The following CDC42BPG variants were observed in gnomAD, a reference collection of about 807,000 sequenced individuals.
CDC42BPG encodes the protein CDC42 binding protein kinase gamma.
In CDC42BPG, 157 loss-of-function variants were observed where a neutral mutation model predicts 192.2. The observed-to-expected ratio is 0.82, with a 90% CI of 0.72 to 0.93. The LOEUF is 0.93. CDC42BPG is among the 40% of genes least tolerant of loss of function. CDC42BPG has a pLI of 0.00. For missense variants in CDC42BPG, 1,992 were observed against 2,122.1 expected, an observed-to-expected ratio of 0.94 and a Z score of 1.20; for synonymous variants, 981 against 918.5, an observed-to-expected ratio of 1.07 and a Z score of -1.23.
chr11:64,841,132 C>T (rs1943263228), intron 3 of CDC42BPG, among the ~76,000 whole-genome samples: 1 of 148,396 alleles, frequency 6.7e-6, no homozygotes, highest in African/African-American at 2.5e-5. Flanking sequence ...GCCTGGGTGA[C>T]AGAGTGAGAC....
intron 36 of CDC42BPG, 51 bp downstream of exon 36, chr11:64,826,418 GA>G: frequency 1.5e-6 from 2 of 1,312,554 alleles, no homozygotes; most frequent in South Asian, 2.5e-5. Context: ...GCATAAAACG[GA>G]ACTGCCTGAC....
Position 64,827,334 on chromosome 11 carries a change from C to T in CDC42BPG, c.4215G>A (p.Lys1405=). 1.2e-6 allele frequency: 2 copies of T among 1,614,108 alleles called. No individual in the cohort carries two copies. The highest frequency in any genetic ancestry group is 8.5e-7 in the Non-Finnish European group (1 of 1,179,978). The change falls in exon 33 of 37, where the codon AAG becomes AAA. Residue 1405 remains lysine, a synonymous_variant. Coordinates refer to ENST00000342711, the MANE Select transcript of CDC42BPG (RefSeq NM_017525.3). Reference sequence around the variant, plus strand: ...CGCGGAAAAAGAAGCGGCGCTTGCTCTTGGTGCGGAACAGCTGGCGCCGGC... The same window carrying T: ...CGCGGAAAAAGAAGCGGCGCTTGCTTTTGGTGCGGAACAGCTGGCGCCGGC... ...DNSRRQLFRT[K]SKRRFFFRVS... is the part of the protein sequence containing the mutation.
chr11:64,841,050 C>T (rs1237648018), intron 3 of CDC42BPG, among the ~76,000 whole-genome samples: 6 of 152,008 alleles, frequency 3.9e-5, no homozygotes, highest in Admixed American at 3.3e-4. Context: ...ACTTGGGAGG[C>T]TGAGGCATGA....
At chr11:64,838,209 C>G in intron 8 of CDC42BPG, 47 bp from the exon 9 acceptor site, 1 of 1,452,778 alleles carries the variant, frequency 6.9e-7, no homozygotes, top group South Asian at 1.3e-5. Flanking sequence ...GGCCAAGGCC[C>G]GAGGCCCAAG....
At chr11:64,841,384 G>A (rs779580152) in intron 3 of CDC42BPG, among the ~76,000 whole-genome samples, 15 of 151,828 alleles carry the variant, frequency 9.9e-5, no homozygotes, top group Non-Finnish European at 1.8e-4. Context: ...ACTGGGAGGC[G>A]GAGGTTGCAG....
In CDC42BPG at chr11:64,826,752, G is replaced by A; in HGVS notation, c.4432C>T (p.Gln1478Ter). 4 of 1,538,530 alleles carry A rather than the reference G, an allele frequency of 2.6e-6. No homozygotes were observed. The highest frequency in any genetic ancestry group is 1.2e-5 in the South Asian group (1 of 82,582). The part of the protein sequence containing the change: ...KGRVARGSGP[Q>*]RPHSFSEALR... ...GCCTCGGAGAAGCTGTGGGGCCGCT[G>A]TGGGCCGGAGCCGCGGGCAACTCGG... The change falls in exon 35 of 37, where the codon CAG (glutamine) becomes TAG (stop). Residue 1478 changes from glutamine to a stop codon, truncating the protein, a stop_gained. Transcript: ENST00000342711. LOFTEE classifies it high-confidence loss of function.
Position 64,832,477 on chromosome 11 carries a change from G to A in CDC42BPG, c.3038C>T (p.Ala1013Val), listed in dbSNP as rs751510864. 2 of 1,614,130 alleles carry A rather than the reference G, an allele frequency of 1.2e-6. No homozygotes were observed. Among genetic ancestry groups the A allele is most frequent in the Non-Finnish European group, 8.5e-7 (1 of 1,180,016 alleles). ...DPQFSATPVL[A>V]SDVIHAQSRD... Reference sequence around the variant, plus strand: ...GGATTGGGCATGGATAACATCAGAGGCCAGGACAGGGGTAGCCGAGAACTG... The same window carrying A: ...GGATTGGGCATGGATAACATCAGAGACCAGGACAGGGGTAGCCGAGAACTG... The change falls in exon 27 of 37, where the codon GCC becomes GTC. Residue 1013 changes from alanine (A) to valine (V), a missense_variant. Physicochemically the swap from Ala to Val is moderately conservative, Grantham distance 64 (BLOSUM62 0). This residue lies in a region of CDC42BPG where 1,656 missense variants were observed against 1,844.3 expected (regional missense o/e 0.90). Transcript: ENST00000342711.
chr11:64,834,517 G>A lies in CDC42BPG; in HGVS notation c.2236C>T (p.Gln746Ter). ...CGGATCTCGGCCTCCAGCGCTGACT[G>A]CAGCTCCAGCCTGGCCGAGGCCTCC... ...KMEASARLEL[Q>*]SALEAEIRAK... Residue 746 changes from glutamine (Q) to a stop codon, truncating the protein, a stop_gained, in exon 19 of 37, where the codon CAG becomes TAG. Transcript: ENST00000342711. LOFTEE classifies it high-confidence loss of function. 6.3e-7 allele frequency: 1 copy of A among 1,582,480 alleles called. No homozygotes were observed. Among genetic ancestry groups the A allele is most frequent in the Non-Finnish European group, 8.6e-7 (1 of 1,163,314 alleles).
At chr11:64,841,522 C>A in intron 3 of CDC42BPG, 128 bp downstream of exon 3, 2 of 708,548 alleles carry the variant, frequency 2.8e-6, no homozygotes, top group Non-Finnish European at 5.0e-6. Flanking sequence ...TCAGTGGCTG[C>A]TGAGGGTGGC....
Position 64,835,822 on chromosome 11 carries a change from C to G in CDC42BPG, c.1698G>C (p.Arg566=). The G allele has an allele frequency of 6.2e-7, 1 of 1,612,778 alleles. No homozygotes were observed. Among genetic ancestry groups the G allele is most frequent in the East Asian group, 2.2e-5 (1 of 44,862 alleles). Residue 566 remains arginine, a synonymous_variant, in exon 14 of 37, where the codon CGG becomes CGC. Transcript: ENST00000342711. ...ELEAQVSSLS[R]QVTQLQGQWE... ...ACTGTCCCTGCAGCTGCGTCACCTG[C>G]CGGCTCAGGGAGGACACCTGGGCCT...
At chr11:64,838,250 C>G in intron 8 of CDC42BPG, 88 bp from the exon 9 acceptor site, 1 of 975,982 alleles carries the variant, frequency 1.0e-6, no homozygotes, top group South Asian at 1.6e-5. Flanking sequence ...CAGGTGCGAC[C>G]ACCTCCTGCA....
Position 64,823,110 on chromosome 11 carries a change from G to A in CDC42BPG, c.*1363C>T, listed in dbSNP as rs1237713550. On this transcript the variant is annotated 3_prime_UTR_variant, in exon 37 of 37. Coordinates refer to ENST00000342711, the MANE Select transcript of CDC42BPG (RefSeq NM_017525.3). ...TTTTCTTTTTTTTTTTTTTTGAGAC[G>A]GAGTCTCACTCTGTCACCCAGGCTG... Among the ~76,000 whole-genome samples, 3 of 140,624 alleles carry A rather than the reference G, an allele frequency of 2.1e-5. No homozygotes were observed. The highest frequency in any genetic ancestry group is 4.6e-5 in the Non-Finnish European group (3 of 64,856). The allele number at this position is 140,624 out of a possible 152,430, so 92.3% of individuals were successfully genotyped here. A position where few individuals can be genotyped will look rare whatever the true frequency, so the allele number is the denominator to read the frequency against.
At chr11:64,830,355 A>T in intron 28 of CDC42BPG, 99 bp from the exon 29 acceptor site, 1 of 1,016,602 alleles carries the variant, frequency 9.8e-7, no homozygotes, top group Non-Finnish European at 1.5e-6. Context: ...TATCTTGAGG[A>T]AATGGGGGTG....
Position 64,833,842 on chromosome 11 carries a change from G to C in CDC42BPG, c.2467-6C>G. 1 of 1,614,250 alleles carries C rather than the reference G, an allele frequency of 6.2e-7. No individual in the cohort carries two copies. Among genetic ancestry groups the C allele is most frequent in the Non-Finnish European group, 8.5e-7 (1 of 1,180,032 alleles). Reference sequence around the variant, plus strand: ...GGGTCCTTGGCAGAATCCTTCTGGGGGTGGGAGAGAGAGGAGCAAAGTCAA... The same window carrying C: ...GGGTCCTTGGCAGAATCCTTCTGGGCGTGGGAGAGAGAGGAGCAAAGTCAA... On this transcript the variant is annotated splice_polypyrimidine_tract_variant and splice_region_variant and intron_variant, in intron 21 of 36. Coordinates refer to ENST00000342711, the MANE Select transcript of CDC42BPG (RefSeq NM_017525.3).
At chr11:64,841,565 C>A (rs1488180256) in intron 3 of CDC42BPG, 85 bp downstream of exon 3, 6 of 1,141,396 alleles carry the variant, frequency 5.3e-6, no homozygotes, top group Non-Finnish European at 7.8e-6. Flanking sequence ...TTGCCCGCCC[C>A]CCCCGCGCCA....
Position 64,834,979 on chromosome 11 carries a change from C to T in CDC42BPG, c.2061-16G>A, listed in dbSNP as rs1942906492. The T allele has an allele frequency of 1.9e-6, 3 of 1,613,458 alleles. No individual in the cohort carries two copies. The Admixed American group carries it at 5.0e-5, about 27-fold the overall frequency. On this transcript the variant is annotated splice_polypyrimidine_tract_variant and intron_variant, in intron 17 of 36. Transcript: ENST00000342711. ...ATCATTCACCCTGAATGGGAAGGGG[C>T]TCAGGGTCATGGGCTGGGCCCTCAG...
intron 12 of CDC42BPG, 38 bp downstream of exon 12, chr11:64,836,389 A>ACCTCACCCAGC: frequency 6.4e-7 from 1 of 1,573,736 alleles, no homozygotes; most frequent in Non-Finnish European, 8.6e-7. Context: ...CACCTCACCC[A>ACCTCACCCAGC]CCTCACCCAG....
At chr11:64,828,310 T>C (rs1210899032) in intron 30 of CDC42BPG, among the ~76,000 whole-genome samples, 1 of 152,138 alleles carries the variant, frequency 6.6e-6, no homozygotes, top group Non-Finnish European at 1.5e-5. Flanking sequence ...CTTCCACTCA[T>C]TCCTCCAAGC....
At chr11:64,828,671 T>C (rs1321144474) in intron 30 of CDC42BPG, among the ~76,000 whole-genome samples, 1 of 152,132 alleles carries the variant, frequency 6.6e-6, no homozygotes, top group Non-Finnish European at 1.5e-5. Context: ...TCCCAGCACT[T>C]TGGGAGGCCG....
Sources: gnomAD v4.1 joint callset for allele counts (sites outside exome capture counted in the v4.1 genomes callset) on GRCh38, gnomAD v4.1.1 for gene constraint, gnomAD v4.1.1 regional missense constraint, MANE v1.5 for transcripts, NCBI Gene and HGNC (gene_info 2026-07-23, HGNC 2026-07-21) for gene names.